The following GPHN variants were observed in gnomAD, a reference collection of about 807,000 sequenced individuals.
GPHN encodes the protein gephyrin.
Under a neutral mutation model 95.5 loss-of-function variants are expected in GPHN, and 17 were observed. The ratio of observed to expected loss-of-function variants is 0.18; its 90% CI spans 0.12 to 0.27. GPHN has a LOEUF of 0.27. GPHN is among the 10% of genes least tolerant of loss of function. The pLI is 1.00. For synonymous variants in GPHN, 320 were observed against 322.5 expected, an observed-to-expected ratio of 0.99 and a Z score of 0.08; for missense variants, 660 against 978.1, an observed-to-expected ratio of 0.67 and a Z score of 4.34.
At chr14:66,649,589 A>G (rs2064939308) in intron 1 of GPHN, among the ~76,000 whole-genome samples, 1 of 152,206 alleles carries the variant, frequency 6.6e-6, no homozygotes, top group Non-Finnish European at 1.5e-5. Flanking sequence ...TGAGAGATCT[A>G]GGTTGTGCAC....
At chr14:66,923,070 T>C (rs1462656440) in intron 7 of GPHN, 132 bp downstream of exon 7, 1 of 742,594 alleles carries the variant, frequency 1.3e-6, no homozygotes, top group South Asian at 1.5e-5. Context: ...AAGTGGGATG[T>C]CCATGACACT....
the GPHN span, among the ~76,000 whole-genome samples, chr14:67,239,169 G>T: frequency 4.3e-4 from 65 of 152,206 alleles, no homozygotes; most frequent in African/African-American, 1.3e-3. Context: ...GGCTTTTTTT[G>T]TGTGTGTGTT....
intron 9 of GPHN, among the ~76,000 whole-genome samples, chr14:66,999,846 A>G (rs1343640663): frequency 6.6e-6 from 1 of 151,872 alleles, no homozygotes; most frequent in Non-Finnish European, 1.5e-5. Context: ...AGAAGCTGGA[A>G]TATATACTAG....
rs571436788 is a variant in GPHN at position 67,101,602 on chromosome 14, C to G, written c.1293+691C>G. On this transcript the variant is annotated intron_variant, in intron 13 of 22. Transcript: ENST00000478722. ...TTCTATCAGGTCTTTCTTACGTAAA[C>G]CACACAAAAGGCAATGTCTCTGATT... 5.9e-5 allele frequency among the ~76,000 whole-genome samples: 9 copies of G among 151,444 alleles called. No homozygotes were observed. In the East Asian group the frequency reaches 1.5e-3, roughly 26 times the overall value.
chr14:66,673,372 G>A (rs1288947043), intron 1 of GPHN, among the ~76,000 whole-genome samples: 1 of 152,196 alleles, frequency 6.6e-6, no homozygotes, highest in East Asian at 1.9e-4. Context: ...AAATACAGGT[G>A]TGAGCCACCA....
chr14:66,753,777 C>T (rs1440908117), intron 2 of GPHN, among the ~76,000 whole-genome samples: 6 of 152,018 alleles, frequency 3.9e-5, no homozygotes, highest in African/African-American at 1.2e-4. Context: ...TTTTAGTATA[C>T]TTATTTTTGC....
At chr14:67,435,010 A>T in the GPHN span, among the ~76,000 whole-genome samples, 1 of 132,402 alleles carries the variant, frequency 7.6e-6, no homozygotes, top group Admixed American at 7.6e-5. Flanking sequence ...TCTGTCACCC[A>T]GGCTGGAGTG....
chr14:66,759,158 C>A (rs1417764115), intron 2 of GPHN, among the ~76,000 whole-genome samples: 1 of 152,198 alleles, frequency 6.6e-6, no homozygotes, highest in African/African-American at 2.4e-5. Flanking sequence ...ATAAGACTTT[C>A]TTAAAGCCGA....
At chr14:66,739,017 T>G (rs1221337550) in intron 2 of GPHN, among the ~76,000 whole-genome samples, 1 of 152,070 alleles carries the variant, frequency 6.6e-6, no homozygotes, top group African/African-American at 2.4e-5. Flanking sequence ...GTAACTTGTC[T>G]ACTCTGCTTA....
the GPHN span, chr14:67,224,508 CCT>C: frequency 2.8e-5 from 5 of 175,502 alleles, no homozygotes; most frequent in African/African-American, 1.2e-4. Flanking sequence ...GATCCGCCCA[CCT>C]CAGCCTCCCA....
the GPHN span, among the ~76,000 whole-genome samples, chr14:67,407,864 T>A: frequency 6.6e-6 from 1 of 152,158 alleles, no homozygotes; most frequent in Non-Finnish European, 1.5e-5. Flanking sequence ...TCCCAGCTAC[T>A]TGGGAGGCTG....
At chr14:67,116,133 C>T (rs983191389) in intron 16 of GPHN, among the ~76,000 whole-genome samples, 13 of 152,088 alleles carry the variant, frequency 8.5e-5, no homozygotes, top group African/African-American at 3.1e-4. Context: ...AAAACCCTGT[C>T]TCTACAAAAA....
the GPHN span, among the ~76,000 whole-genome samples, chr14:67,323,372 G>A: frequency 6.6e-6 from 1 of 151,486 alleles, no homozygotes; most frequent in Non-Finnish European, 1.5e-5. Context: ...CAGCACTTTG[G>A]GAGAGACCAA....
At chr14:66,927,786 G>A (rs2066562419) in intron 8 of GPHN, among the ~76,000 whole-genome samples, 1 of 152,088 alleles carries the variant, frequency 6.6e-6, no homozygotes, top group Non-Finnish European at 1.5e-5. Flanking sequence ...TCAGCATCAA[G>A]TGAAGTGATC....
At chr14:67,161,313 AAAAG>A (rs1022890175) in intron 19 of GPHN, among the ~76,000 whole-genome samples, 2 of 152,036 alleles carry the variant, frequency 1.3e-5, no homozygotes, top group Non-Finnish European at 2.9e-5. Flanking sequence ...AAAAGAAAAG[AAAAG>A]AAAGAAACTA....
At chr14:67,698,018 A>T in the GPHN span, among the ~76,000 whole-genome samples, 1 of 150,760 alleles carries the variant, frequency 6.6e-6, no homozygotes, top group African/African-American at 2.4e-5. Flanking sequence ...TAAATAAAGT[A>T]GGAATCAGGA....
the GPHN span, chr14:67,343,557 TG>T: frequency 1.3e-6 from 1 of 762,084 alleles, no homozygotes; most frequent in East Asian, 2.6e-5. Flanking sequence ...AACTTCTTTT[TG>T]GCATGCTTAA....
chr14:66,736,974 C>T lies in GPHN; in HGVS notation c.144-39490C>T, dbSNP rs898299359. Among the ~76,000 whole-genome samples, 3 of 152,132 alleles carry T rather than the reference C, an allele frequency of 2.0e-5. No homozygotes were observed. In the South Asian group the frequency reaches 6.2e-4, roughly 31 times the overall value. On this transcript the variant is annotated intron_variant, in intron 2 of 22. Coordinates refer to ENST00000478722, the MANE Select transcript of GPHN (RefSeq NM_020806.5). Reference sequence around the variant, plus strand: ...CCTTTCATCTGTATCTGATCTCCTACAGTCTTCTGAGTTTGTTTCTCCAGT... The same window carrying T: ...CCTTTCATCTGTATCTGATCTCCTATAGTCTTCTGAGTTTGTTTCTCCAGT...
intron 5 of GPHN, among the ~76,000 whole-genome samples, chr14:66,886,370 C>G (rs2064188594): frequency 6.6e-6 from 1 of 152,022 alleles, no homozygotes; most frequent in Non-Finnish European, 1.5e-5. Context: ...TCAGTCCAGA[C>G]TAGAAAATAC....
Sources: allele counts gnomAD v4.1 joint callset (sites outside exome capture counted in the v4.1 genomes callset), GRCh38; gene constraint gnomAD v4.1.1; transcripts MANE v1.5; gene names NCBI Gene and HGNC (gene_info 2026-07-23, HGNC 2026-07-21).